Variants in BICD1 observed in about 807,000 individuals in gnomAD.
The protein encoded by BICD1 is protein bicaudal D homolog 1.
In BICD1, 35 loss-of-function variants were observed where a neutral mutation model predicts 92.5. That is an observed-to-expected ratio of 0.38 (90% CI 0.29 to 0.50). The LOEUF (loss-of-function observed/expected upper bound fraction) is 0.50. Ranked by LOEUF, BICD1 falls within the 20% of genes least tolerant of loss-of-function variation. The pLI, the probability that BICD1 is intolerant of heterozygous loss-of-function variation, is 0.93. For synonymous variants in BICD1, 429 were observed against 465.1 expected (o/e 0.92, Z 1.00); for missense variants, 950 against 1,189.8 (o/e 0.80, Z 2.97).
intron 8 of BICD1, chr12:32,339,610 A>G: frequency 1.0e-6 from 1 of 984,998 alleles, no homozygotes. Flanking sequence ...CATTCTTTTT[A>G]CTTGTTCTAT....
At chr12:32,112,145 T>A (rs896665516) in intron 1 of BICD1, among the ~76,000 whole-genome samples, 1 of 151,998 alleles carries the variant, frequency 6.6e-6, no homozygotes, top group South Asian at 2.1e-4. Context: ...TAGCTAGGAT[T>A]ACAGGCATGC....
At chr12:32,198,662 C>T (rs1565581846) in intron 1 of BICD1, among the ~76,000 whole-genome samples, 1 of 151,102 alleles carries the variant, frequency 6.6e-6, no homozygotes, top group South Asian at 2.1e-4. Flanking sequence ...CTTATGACTT[C>T]TGGCTGTTTG....
chr12:32,148,667 G>A (rs182756513), intron 1 of BICD1, among the ~76,000 whole-genome samples: 12 of 152,266 alleles, frequency 7.9e-5, no homozygotes, highest in African/African-American at 2.4e-4. Context: ...CTCCCTGTAT[G>A]ACCATGCAGC....
At position 32,382,847 on chromosome 12, in the gene BICD1, T is replaced by C. The variant is rs1193033680; in HGVS notation, c.*5220T>C. 1 of 152,042 alleles carries C rather than the reference T, an allele frequency of 6.6e-6. No homozygotes were observed. Among genetic ancestry groups the C allele is most frequent in the East Asian group, 1.9e-4 (1 of 5,198 alleles). 9.4% of individuals were successfully genotyped at this position (152,042 alleles called of 1,614,324 possible). A position where few individuals can be genotyped will look rare whatever the true frequency, so the allele number is the denominator to read the frequency against. On this transcript the variant is annotated 3_prime_UTR_variant, in exon 10 of 10. Transcript: ENST00000652176. ...GAAATATCATTTTATTTAAAAATAA[T>C]TATTCAATGATAGATAATGGAGATA...
intron 2 of BICD1, among the ~76,000 whole-genome samples, chr12:32,261,265 G>A (rs1387912752): frequency 2.0e-5 from 3 of 152,168 alleles, no homozygotes; most frequent in Admixed American, 2.0e-4. Flanking sequence ...ATGCACAGAC[G>A]ATGAATAGTA....
intron 1 of BICD1, among the ~76,000 whole-genome samples, chr12:32,177,538 G>A (rs1017303229): frequency 8.0e-5 from 12 of 149,402 alleles, no homozygotes; most frequent in Admixed American, 2.7e-4. Flanking sequence ...GTATATGTTC[G>A]CGATTCTATA....
At chr12:32,129,110 A>G (rs1472582292) in intron 1 of BICD1, among the ~76,000 whole-genome samples, 1 of 151,830 alleles carries the variant, frequency 6.6e-6, no homozygotes, top group Non-Finnish European at 1.5e-5. Context: ...TAATTTTTGT[A>G]TTTTTATAGA....
intron 4 of BICD1, among the ~76,000 whole-genome samples, chr12:32,318,962 C>G (rs1190582916): frequency 2.6e-5 from 4 of 152,130 alleles, no homozygotes; most frequent in Non-Finnish European, 5.9e-5. Context: ...AGAAATACAA[C>G]TGATGTTCGT....
At chr12:32,136,815 C>T (rs1942750956) in intron 1 of BICD1, among the ~76,000 whole-genome samples, 1 of 152,112 alleles carries the variant, frequency 6.6e-6, no homozygotes, top group South Asian at 2.1e-4. Context: ...TCTGTAGATC[C>T]TCAGTCTTCT....
At chr12:32,247,656 A>C (rs978097055) in intron 2 of BICD1, among the ~76,000 whole-genome samples, 1 of 151,870 alleles carries the variant, frequency 6.6e-6, no homozygotes, top group Non-Finnish European at 1.5e-5. Context: ...GTGCACACTC[A>C]CTTCACTCTA....
intron 2 of BICD1, among the ~76,000 whole-genome samples, chr12:32,268,748 A>T (rs1947063558): frequency 6.6e-6 from 1 of 152,166 alleles, no homozygotes; most frequent in Admixed American, 6.5e-5. Context: ...GTGAGCCAAG[A>T]TCGCGCCACT....
intron 1 of BICD1, among the ~76,000 whole-genome samples, chr12:32,131,047 C>G (rs1360532301): frequency 6.6e-6 from 1 of 151,930 alleles, no homozygotes; most frequent in African/African-American, 2.4e-5. Context: ...GTTGGCCAGG[C>G]TGGTCTCGAA....
At chr12:32,253,974 C>T (rs34086654) in intron 2 of BICD1, among the ~76,000 whole-genome samples, 2 of 147,644 alleles carry the variant, frequency 1.4e-5, no homozygotes, top group East Asian at 2.0e-4. Context: ...CTGTCATAAT[C>T]ACTGCCGTAT....
intron 1 of BICD1, among the ~76,000 whole-genome samples, chr12:32,146,627 A>G (rs1943110636): frequency 6.6e-6 from 1 of 152,232 alleles, no homozygotes; most frequent in African/African-American, 2.4e-5. Flanking sequence ...AAAGAGGTAC[A>G]GATGGAGACC....
At chr12:32,168,540 A>T (rs978607456) in intron 1 of BICD1, among the ~76,000 whole-genome samples, 2 of 152,214 alleles carry the variant, frequency 1.3e-5, no homozygotes, top group African/African-American at 4.8e-5. Context: ...GGAACCAGAA[A>T]GTCCTAACAG....
chr12:32,159,289 A>G (rs1041863893), intron 1 of BICD1, among the ~76,000 whole-genome samples: 1 of 152,072 alleles, frequency 6.6e-6, no homozygotes, highest in Non-Finnish European at 1.5e-5. Flanking sequence ...GAAGATGTGT[A>G]TTTTTTTGAG....
In BICD1 at chr12:32,379,566, C is replaced by T. The variant is rs1940112814; in HGVS notation, c.*1939C>T. 6.6e-6 allele frequency: 1 copy of T among 152,174 alleles called. No homozygotes were observed. The highest frequency in any genetic ancestry group is 2.4e-5 in the African/African-American group (1 of 41,436). 9.4% of individuals were successfully genotyped at this position (152,174 alleles called of 1,614,324 possible). A position where few individuals can be genotyped will look rare whatever the true frequency, so the allele number is the denominator to read the frequency against. On this transcript the variant is annotated 3_prime_UTR_variant, in exon 10 of 10. Coordinates refer to ENST00000652176, the MANE Select transcript of BICD1 (RefSeq NM_001714.4). ...GTTCCTAAACATTGTCTTCATTTCA[C>T]TGGCGTTGTATCTGCCTAGTACCAG... is the stretch of plus-strand genomic sequence containing the variant.
intron 1 of BICD1, among the ~76,000 whole-genome samples, chr12:32,187,051 T>C (rs1167235995): frequency 6.6e-6 from 1 of 152,218 alleles, no homozygotes; most frequent in Non-Finnish European, 1.5e-5. Context: ...TTTATGGGCT[T>C]AGATTAATCA....
At chr12:32,350,803 A>G (rs1462516530) in intron 8 of BICD1, among the ~76,000 whole-genome samples, 1 of 152,190 alleles carries the variant, frequency 6.6e-6, no homozygotes, top group East Asian at 1.9e-4. Flanking sequence ...TGACTATTCC[A>G]TTCTTTGTTT....
Sources: allele counts gnomAD v4.1 joint callset (sites outside exome capture counted in the v4.1 genomes callset), GRCh38; gene constraint gnomAD v4.1.1; transcripts MANE v1.5; gene names NCBI Gene and HGNC (gene_info 2026-07-23, HGNC 2026-07-21).